SNX25: variants seen among roughly 807,000 people sequenced by gnomAD.
The protein encoded by SNX25 is sorting nexin 25.
A neutral mutation model predicts 113.7 loss-of-function variants in SNX25; 62 were observed. The observed-to-expected ratio is 0.55, with a 90% CI of 0.44 to 0.67. SNX25 has a LOEUF of 0.67. Among genes scored for constraint, SNX25 ranks in the 30% least tolerant of loss-of-function variants. The probability of loss-of-function intolerance (pLI) is 0.00; values close to 1 mark genes in which losing one functional copy is unlikely to be tolerated. For missense variants in SNX25, 1,014 were observed against 1,161.0 expected (o/e 0.87, Z 1.84); for synonymous variants, 421 against 436.2 (o/e 0.97, Z 0.43).
At chr4:185,250,486 T>G (rs973937790) in intron 2 of SNX25, among the ~76,000 whole-genome samples, 6 of 152,268 alleles carry the variant, frequency 3.9e-5, no homozygotes, top group African/African-American at 1.4e-4. Context: ...TGGCAACTCT[T>G]AAATCTGTTT....
At chr4:185,320,640 A>T in intron 7 of SNX25, 93 bp from the exon 8 acceptor site, 1 of 920,410 alleles carries the variant, frequency 1.1e-6, no homozygotes, top group Non-Finnish European at 1.5e-6. Context: ...ATGCATTTTT[A>T]CCCTAAATGT....
chr4:185,362,089 G>A lies in SNX25; in HGVS notation c.2817G>A (p.Leu939=), dbSNP rs2095366987. Residue 939 remains leucine (L), a synonymous_variant, in exon 17 of 19, where the codon CTG becomes CTA. Coordinates refer to ENST00000652585, the MANE Select transcript of SNX25 (RefSeq NM_001378034.2). ...CAAAACAGAGAGCACAGCAAAAGCT[G>A]CTTGAAAACATTCCAGGTGAGGCCT... ...QETKQRAQQK[L]LENIPDMLQS... is the part of the protein sequence containing the mutation. 1 of 1,612,924 alleles carries A rather than the reference G, an allele frequency of 6.2e-7. No individual in the cohort carries two copies. The highest frequency in any genetic ancestry group is 1.7e-5 in the Admixed American group (1 of 59,904).
chr4:185,366,727 GAAAC>G (rs1554016245), downstream of SNX25: 2 of 151,952 alleles, frequency 1.3e-5, no homozygotes, highest in Non-Finnish European at 2.9e-5. Context: ...TTAAATGACT[GAAAC>G]AAAATTTAAA....
intron 6 of SNX25, among the ~76,000 whole-genome samples, chr4:185,300,149 A>G (rs1753426199): frequency 6.8e-6 from 1 of 147,242 alleles, no homozygotes; most frequent in African/African-American, 2.5e-5. Flanking sequence ...AATCATAACA[A>G]TGTCCACTAG....
At chr4:185,240,368 C>T (rs1467504753) in intron 1 of SNX25, among the ~76,000 whole-genome samples, 22 of 151,754 alleles carry the variant, frequency 1.4e-4, no homozygotes, top group East Asian at 7.8e-4. Flanking sequence ...TCTCACCTCC[C>T]GGACGGGGCG....
intron 8 of SNX25, among the ~76,000 whole-genome samples, chr4:185,323,082 T>A (rs1173970629): frequency 6.6e-6 from 1 of 152,238 alleles, no homozygotes; most frequent in Non-Finnish European, 1.5e-5. Context: ...GAAGTAGTCA[T>A]TCTGAAGAGT....
chr4:185,287,838 T>C (rs777963433), intron 5 of SNX25, among the ~76,000 whole-genome samples, 174 bp from the exon 6 acceptor site: 1 of 152,120 alleles, frequency 6.6e-6, no homozygotes, highest in African/African-American at 2.4e-5. Flanking sequence ...GCGCGTGGCA[T>C]GGGGCCCGGC....
At chr4:185,265,339 T>A (rs1365461421) in intron 4 of SNX25, among the ~76,000 whole-genome samples, 1 of 152,230 alleles carries the variant, frequency 6.6e-6, no homozygotes, top group Non-Finnish European at 1.5e-5. Flanking sequence ...TGGTGTAACC[T>A]ATTGCTCCTA....
upstream of SNX25, among the ~76,000 whole-genome samples, chr4:185,206,885 T>C (rs1435652289): frequency 6.6e-6 from 1 of 152,068 alleles, no homozygotes; most frequent in Non-Finnish European, 1.5e-5. Flanking sequence ...AACCAGGGAA[T>C]AGGATGGCAT....
At chr4:185,287,002 A>G (rs1050241483) in intron 5 of SNX25, among the ~76,000 whole-genome samples, 5 of 152,240 alleles carry the variant, frequency 3.3e-5, no homozygotes, top group Admixed American at 1.3e-4. Flanking sequence ...TTTTTGTTCA[A>G]AGTAAGAATT....
rs577414848 is a variant in SNX25, at chr4:185,252,295, T to C, written c.514+4917T>C. Among the ~76,000 whole-genome samples the C allele has an allele frequency of 6.6e-5, 10 of 152,304 alleles. No homozygotes were observed. The South Asian group carries it at 1.9e-3, about 28-fold the overall frequency. On this transcript the variant is annotated intron_variant, in intron 2 of 18. Coordinates refer to ENST00000652585, the MANE Select transcript of SNX25 (RefSeq NM_001378034.2). Reference sequence around the variant, plus strand: ...GCATGTAGAAAATCTTTAGTGGTTATAATTTGCATCTCTGGAGTGGTTTGA... The same window carrying C: ...GCATGTAGAAAATCTTTAGTGGTTACAATTTGCATCTCTGGAGTGGTTTGA...
chr4:185,329,526 G>A (rs2095179342), intron 9 of SNX25, among the ~76,000 whole-genome samples: 1 of 152,236 alleles, frequency 6.6e-6, no homozygotes, highest in African/African-American at 2.4e-5. Flanking sequence ...GGTCCTCTGA[G>A]GATCAGGACA....
chr4:185,370,874 A>T, downstream of SNX25: 1 of 1,553,906 alleles, frequency 6.4e-7, no homozygotes, highest in Non-Finnish European at 8.9e-7. Context: ...TGTTTGTAAA[A>T]CGATGCGCCT....
chr4:185,266,686 A>G (rs574656608), intron 4 of SNX25, among the ~76,000 whole-genome samples: 5 of 152,182 alleles, frequency 3.3e-5, no homozygotes, highest in East Asian at 1.9e-4. Context: ...TTTGTTAGCA[A>G]CTTGAGTTCC....
At position 185,360,930 on chromosome 4, in the gene SNX25, A is replaced by AATATATATATATATATATATATATAT. The variant is rs3047488; in HGVS notation, c.2652-971_2652-970insTATATATATATATATATATATATATA. On this transcript the variant is annotated intron_variant, in intron 16 of 18. Coordinates refer to ENST00000652585, the MANE Select transcript of SNX25 (RefSeq NM_001378034.2). ...CGAGACTCCGTCTCAAAAAAAAAAT[A>AATATATATATATATATATATATATAT]ATATATATATATATATATATATAGA... Among the ~76,000 whole-genome samples, 114 of 139,550 alleles carry AATATATATATATATATATATATATAT rather than the reference A, an allele frequency of 8.2e-4. 1 individual carries two copies. Among genetic ancestry groups the AATATATATATATATATATATATATAT allele is most frequent in the African/African-American group, 2.8e-3 (104 of 36,632 alleles). The allele number at this position is 139,550 out of a possible 152,430, so 91.6% of individuals were successfully genotyped here. A position where few individuals can be genotyped will look rare whatever the true frequency, so the allele number is the denominator to read the frequency against.
chr4:185,346,676 T>G, intron 13 of SNX25, 26 bp downstream of exon 13: 2 of 1,450,176 alleles, frequency 1.4e-6, no homozygotes, highest in South Asian at 1.3e-5. Context: ...ATGTGGGATA[T>G]GAGAGAAAAA....
intron 1 of SNX25, among the ~76,000 whole-genome samples, chr4:185,234,855 G>A (rs930715889): frequency 3.3e-5 from 5 of 152,170 alleles, no homozygotes. Context: ...TTACATTGAC[G>A]TGACTCTCAG....
chr4:185,224,308 G>A (rs746565929), intron 1 of SNX25, among the ~76,000 whole-genome samples: 30 of 150,084 alleles, frequency 2.0e-4, no homozygotes, highest in South Asian at 4.2e-4. Context: ...CCGAGATTGC[G>A]CCATTGCACT....
chr4:185,309,899 G>A (rs1479490543), intron 6 of SNX25, among the ~76,000 whole-genome samples: 2 of 152,206 alleles, frequency 1.3e-5, no homozygotes, highest in African/African-American at 4.8e-5. Flanking sequence ...TGGCCTGAAA[G>A]GCTGTGCACC....
Sources: gnomAD v4.1 joint callset for allele counts (sites outside exome capture counted in the v4.1 genomes callset) on GRCh38, gnomAD v4.1.1 for gene constraint, MANE v1.5 for transcripts, NCBI Gene and HGNC (gene_info 2026-07-23, HGNC 2026-07-21) for gene names.